STX8: variants seen among roughly 807,000 people sequenced by gnomAD.
STX8 encodes the protein syntaxin-8.
In STX8, 23 loss-of-function variants were observed where a neutral mutation model predicts 37.5. The ratio of observed to expected loss-of-function variants is 0.61; its 90% CI spans 0.44 to 0.87. The LOEUF (loss-of-function observed/expected upper bound fraction) is 0.87, where lower values mean the gene tolerates loss of function less well. Among genes scored for constraint, STX8 ranks in the 40% least tolerant of loss-of-function variants. The pLI is 0.00. For missense variants in STX8, 313 were observed against 284.7 expected, an observed-to-expected ratio of 1.10 and a Z score of -0.71; for synonymous variants, 115 against 99.1, an observed-to-expected ratio of 1.16 and a Z score of -0.95.
chr17:9,396,256 A>G (rs1332612346), intron 6 of STX8, among the ~76,000 whole-genome samples: 1 of 151,824 alleles, frequency 6.6e-6, no homozygotes, highest in Admixed American at 6.6e-5. Context: ...TATGATTCCA[A>G]TTATATGACA....
intron 6 of STX8, among the ~76,000 whole-genome samples, chr17:9,430,228 A>G (rs1298432890): frequency 4.5e-5 from 6 of 134,044 alleles, no homozygotes; most frequent in Non-Finnish European, 9.2e-5. Flanking sequence ...TAAAATATAT[A>G]TTATATATAA....
At chr17:9,500,928 C>G (rs112781792) in intron 5 of STX8, among the ~76,000 whole-genome samples, 2 of 152,194 alleles carry the variant, frequency 1.3e-5, no homozygotes, top group African/African-American at 4.8e-5. Flanking sequence ...TGTCGTGAAC[C>G]CAGGAGGCAG....
At chr17:9,553,432 A>C (rs1906844707) in intron 3 of STX8, 1 of 152,216 alleles carries the variant, frequency 6.6e-6, no homozygotes, top group African/African-American at 2.4e-5. Flanking sequence ...AAGCATTTGC[A>C]CAGGACTTTT....
chr17:9,268,651 G>C (rs760096134), intron 7 of STX8, among the ~76,000 whole-genome samples: 69 of 152,122 alleles, frequency 4.5e-4, no homozygotes, highest in Admixed American at 3.6e-3. Flanking sequence ...TTTCGGAGTT[G>C]GCTGTTAGTG....
chr17:9,262,179 A>G (rs1465213028), intron 7 of STX8, among the ~76,000 whole-genome samples: 1 of 152,214 alleles, frequency 6.6e-6, no homozygotes, highest in Non-Finnish European at 1.5e-5. Context: ...ACCAACACGC[A>G]AAAGACTATG....
intron 6 of STX8, among the ~76,000 whole-genome samples, chr17:9,380,660 T>C (rs1458553769): frequency 6.6e-6 from 1 of 151,810 alleles, no homozygotes; most frequent in Non-Finnish European, 1.5e-5. Context: ...TATTATAATG[T>C]TATAATACCA....
rs200392291 is a variant in STX8, at chr17:9,512,061, A to G, written c.324-6899T>C. Among the ~76,000 whole-genome samples, 24 of 152,314 alleles carry G rather than the reference A, an allele frequency of 1.6e-4. No individual in the cohort carries two copies. In the East Asian group the frequency reaches 4.6e-3, roughly 29 times the overall value. ...GAGGTGAAAGATCTCTAAAAGAAAAACTACAAAACACTGATGAAAGAAATT... is the reference window on the plus strand; with the variant it reads ...GAGGTGAAAGATCTCTAAAAGAAAAGCTACAAAACACTGATGAAAGAAATT... On this transcript the variant is annotated intron_variant, in intron 4 of 7. Transcript: ENST00000306357.
At chr17:9,419,107 G>A (rs577136779) in intron 6 of STX8, among the ~76,000 whole-genome samples, 3 of 151,592 alleles carry the variant, frequency 2.0e-5, no homozygotes, top group Non-Finnish European at 4.4e-5. Flanking sequence ...AAATTGTTTT[G>A]TAGAAATAGG....
At chr17:9,512,848 A>G (rs1905058467) in intron 4 of STX8, among the ~76,000 whole-genome samples, 1 of 152,182 alleles carries the variant, frequency 6.6e-6, no homozygotes, top group Non-Finnish European at 1.5e-5. Flanking sequence ...GAACCTGGAC[A>G]CCCATCTATC....
chr17:9,268,916 A>G lies in STX8; in HGVS notation c.644-18271T>C, dbSNP rs143495111. Among the ~76,000 whole-genome samples, 762 of 152,260 alleles carry G rather than the reference A, an allele frequency of 5.0e-3. 13 individuals are homozygous for G. Among genetic ancestry groups the G allele is most frequent in the East Asian group, 0.045 (232 of 5,174 alleles). On this transcript the variant is annotated intron_variant, in intron 7 of 7. Transcript: ENST00000306357. ...AAGTATTTGAGGCCAGGCCGGGTGC[A>G]GTGGCTCACGCCTGTAATCCCAGCA...
chr17:9,529,649 T>C (rs746957036), intron 4 of STX8, among the ~76,000 whole-genome samples: 6 of 152,208 alleles, frequency 3.9e-5, no homozygotes, highest in African/African-American at 1.2e-4. Context: ...TGGCATCATA[T>C]AGCATGAACT....
At position 9,338,792 on chromosome 17, in the gene STX8, T is replaced by C. The variant is rs571946748; in HGVS notation, c.643+39760A>G. Among the ~76,000 whole-genome samples, 143 of 152,178 alleles carry C rather than the reference T, an allele frequency of 9.4e-4. No individual in the cohort carries two copies. The South Asian group carries it at 0.012, about 13-fold the overall frequency. On this transcript the variant is annotated intron_variant, in intron 7 of 7. Transcript: ENST00000306357. Reference sequence around the variant, plus strand: ...GTTTGCATTTTAAAAAACATTCCAGTCAGATGACGTGGCTTACGCCTGTAA... The same window carrying C: ...GTTTGCATTTTAAAAAACATTCCAGCCAGATGACGTGGCTTACGCCTGTAA...
rs555026979 is a variant in STX8, at chr17:9,362,707, A to T, written c.643+15845T>A. ...CGTGGTGGCGGGCGCCTGTAGTCCC[A>T]GCTACTAGGGAGGTTGAGGCAGGAG... is the stretch of plus-strand genomic sequence containing the variant. On this transcript the variant is annotated intron_variant, in intron 7 of 7. Coordinates refer to ENST00000306357, the MANE Select transcript of STX8 (RefSeq NM_004853.3). 5.3e-5 allele frequency among the ~76,000 whole-genome samples: 8 copies of T among 152,062 alleles called. No homozygotes were observed. The East Asian group carries it at 1.6e-3, about 30-fold the overall frequency.
intron 6 of STX8, among the ~76,000 whole-genome samples, chr17:9,407,770 T>C (rs575529756): frequency 6.6e-6 from 1 of 152,310 alleles, no homozygotes; most frequent in East Asian, 1.9e-4. Flanking sequence ...AGACCTGGGA[T>C]TGATAGACAG....
chr17:9,475,147 C>T (rs991124576), intron 6 of STX8, among the ~76,000 whole-genome samples: 3 of 152,148 alleles, frequency 2.0e-5, no homozygotes. Flanking sequence ...TTCCAAAGAG[C>T]ACAATGAAAT....
At chr17:9,302,072 G>A (rs1213159557) in intron 7 of STX8, among the ~76,000 whole-genome samples, 4 of 152,086 alleles carry the variant, frequency 2.6e-5, no homozygotes, top group Non-Finnish European at 5.9e-5. Context: ...AGTATTTTGG[G>A]GAGGATAATT....
In STX8 at chr17:9,268,888, T is replaced by C. The variant is rs191795377; in HGVS notation, c.644-18243A>G. The stretch of plus-strand genomic sequence containing the variant: ...GGATTCTATCAGCAAGAAGGATCAG[T>C]AGAAGTATTTGAGGCCAGGCCGGGT... On this transcript the variant is annotated intron_variant, in intron 7 of 7. Transcript: ENST00000306357. 1.8e-3 allele frequency among the ~76,000 whole-genome samples: 274 copies of C among 152,200 alleles called. 3 individuals are homozygous for C. Among genetic ancestry groups the C allele is most frequent in the African/African-American group, 6.2e-3 (256 of 41,530 alleles).
intron 7 of STX8, among the ~76,000 whole-genome samples, chr17:9,333,611 G>C (rs960834520): frequency 1.3e-5 from 2 of 152,134 alleles, no homozygotes; most frequent in South Asian, 2.1e-4. Context: ...GGATGGTCTG[G>C]ATCTCCTGAC....
chr17:9,451,708 CAA>C (rs1294570124), intron 6 of STX8, among the ~76,000 whole-genome samples: 4 of 151,558 alleles, frequency 2.6e-5, no homozygotes, highest in African/African-American at 9.7e-5. Flanking sequence ...TAGATTTTTC[CAA>C]AAATGATTAT....
Sources: gnomAD v4.1 joint callset for allele counts (sites outside exome capture counted in the v4.1 genomes callset) on GRCh38, gnomAD v4.1.1 for gene constraint, MANE v1.5 for transcripts, NCBI Gene and HGNC (gene_info 2026-07-23, HGNC 2026-07-21) for gene names.